Variants in RTL9 observed in about 807,000 individuals in gnomAD.
RTL9 encodes the protein retrotransposon Gag like 9.
RTL9 carries 19 observed loss-of-function variants against 44.7 expected under a neutral mutation model. The ratio of observed to expected loss-of-function variants is 0.42; its 90% CI spans 0.30 to 0.62. The LOEUF (loss-of-function observed/expected upper bound fraction) is 0.62, where lower values mean the gene tolerates loss of function less well. Ranked by LOEUF, RTL9 falls within the 20% of genes least tolerant of loss-of-function variation. The pLI is 0.16. For missense variants in RTL9, 1,105 were observed against 1,080.6 expected (o/e 1.02, Z -0.32); for synonymous variants, 407 against 398.9 (o/e 1.02, Z -0.24).
At chrX:110,360,214 C>T (rs1326438751) in intron 1 of RTL9, among the ~76,000 whole-genome samples, 1 of 111,007 alleles carries the variant, frequency 9.0e-6, no homozygotes, top group African/African-American at 3.3e-5. Flanking sequence ...GTCTAAAGAC[C>T]ACTGACAAGC....
chrX:110,393,631 C>T lies in RTL9; in HGVS notation c.-168+34715C>T, dbSNP rs185612304. Among the ~76,000 whole-genome samples, 192 of 112,218 alleles carry T rather than the reference C, an allele frequency of 1.7e-3. 1 individual carries two copies. The highest frequency in any genetic ancestry group is 0.016 in the Admixed American group (173 of 10,602). The stretch of plus-strand genomic sequence containing the variant: ...GGTTCATCCCTCTTCTCTCTTCATC[C>T]TCCTCTTGGCCTACCCTGGCCTGAG... On this transcript the variant is annotated intron_variant, in intron 1 of 2. Coordinates refer to the RTL9 transcript ENST00000520821.
At chrX:110,419,374 C>T (rs1304946901) in intron 1 of RTL9, among the ~76,000 whole-genome samples, 3 of 112,628 alleles carry the variant, frequency 2.7e-5, no homozygotes, top group African/African-American at 9.7e-5. Flanking sequence ...CTCAGCTTAA[C>T]GTTACCTCCT....
upstream of RTL9, among the ~76,000 whole-genome samples, chrX:110,417,493 G>A (rs957098199): frequency 1.8e-5 from 2 of 111,282 alleles, no homozygotes; most frequent in African/African-American, 6.5e-5. Context: ...TTTTTTTTAT[G>A]CGATAAGCCC....
At chrX:110,390,085 T>G (rs1452132169) in intron 1 of RTL9, among the ~76,000 whole-genome samples, 1 of 111,843 alleles carries the variant, frequency 8.9e-6, no homozygotes, top group Non-Finnish European at 1.9e-5. Flanking sequence ...CATTGCAAGT[T>G]GTATGTGGGA....
chrX:110,380,066 C>T (rs1471261833), intron 1 of RTL9, among the ~76,000 whole-genome samples: 1 of 111,599 alleles, frequency 9.0e-6, no homozygotes, highest in Non-Finnish European at 1.9e-5. Context: ...TCCTTATCCC[C>T]ATCAGATTTC....
intron 1 of RTL9, among the ~76,000 whole-genome samples, chrX:110,396,181 G>C (rs2068527177): frequency 1.8e-5 from 2 of 110,403 alleles, no homozygotes; most frequent in Admixed American, 9.6e-5. Context: ...CGAATGAATG[G>C]GGCTGAACCC....
At chrX:110,401,475 C>T (rs1339441901) in intron 1 of RTL9, among the ~76,000 whole-genome samples, 1 of 111,734 alleles carries the variant, frequency 8.9e-6, no homozygotes, top group Non-Finnish European at 1.9e-5. Context: ...CTTAACCTAA[C>T]CTTTTCCAGA....
rs750543035 is a variant in RTL9 at position 110,420,769 on chromosome X, G to A, written c.-168+1634G>A. On this transcript the variant is annotated intron_variant, in intron 1 of 3. Coordinates refer to the RTL9 transcript ENST00000465301. ...CACATTTTCCCAACTGGCCTCCGTC[G>A]TGAGAACAAGTGGGAACTTTCATAC... is the stretch of plus-strand genomic sequence containing the variant. Among the ~76,000 whole-genome samples, 73 of 111,632 alleles carry A rather than the reference G, an allele frequency of 6.5e-4. 2 individuals are homozygous for A. The highest frequency in any genetic ancestry group is 3.8e-4 in the South Asian group (1 of 2,625).
chrX:110,389,453 G>T (rs368085786), intron 1 of RTL9, among the ~76,000 whole-genome samples: 2 of 112,165 alleles, frequency 1.8e-5, no homozygotes, highest in African/African-American at 6.5e-5. Context: ...TCTGCCACAA[G>T]TTGGCTTGCT....
At chrX:110,434,723 GA>G (rs1295730335) in intron 1 of RTL9, among the ~76,000 whole-genome samples, 4 of 111,396 alleles carry the variant, frequency 3.6e-5, no homozygotes, top group Non-Finnish European at 7.5e-5. Flanking sequence ...TGTCCAGCAA[GA>G]AACTGGGAAT....
At chrX:110,434,655 G>A (rs2068823037) in intron 1 of RTL9, among the ~76,000 whole-genome samples, 1 of 111,538 alleles carries the variant, frequency 9.0e-6, no homozygotes, top group Non-Finnish European at 1.9e-5. Flanking sequence ...AGAGTGAGGG[G>A]AGACAGATGA....
intron 1 of RTL9, among the ~76,000 whole-genome samples, chrX:110,404,527 T>C (rs1405881198): frequency 8.9e-6 from 1 of 112,176 alleles, no homozygotes; most frequent in Non-Finnish European, 1.9e-5. Context: ...AATAGCACTG[T>C]CTGATCATAA....
intron 1 of RTL9, among the ~76,000 whole-genome samples, chrX:110,393,097 C>T (rs576757540): frequency 4.0e-4 from 45 of 111,302 alleles, no homozygotes; most frequent in African/African-American, 1.3e-3. Context: ...TGCTTCCCAC[C>T]GGAGACTGCA....
chrX:110,394,056 G>T (rs1033601972), intron 1 of RTL9, among the ~76,000 whole-genome samples: 1 of 112,271 alleles, frequency 8.9e-6, no homozygotes, highest in Non-Finnish European at 1.9e-5. Context: ...CTTTGCAAAT[G>T]TTTATTCCTT....
intron 1 of RTL9, 141 bp downstream of exon 3, chrX:110,454,805 G>A (rs2068971057): frequency 5.8e-6 from 3 of 520,511 alleles, no homozygotes; most frequent in Non-Finnish European, 9.3e-6. Flanking sequence ...AACCCCAGCA[G>A]TTTCATCAAG....
upstream of RTL9, among the ~76,000 whole-genome samples, chrX:110,416,875 C>T (rs1306384247): frequency 1.8e-5 from 2 of 111,580 alleles, no homozygotes; most frequent in Non-Finnish European, 3.8e-5. Flanking sequence ...CTTATGATTT[C>T]AGAGCTGAAC....
intron 1 of RTL9, among the ~76,000 whole-genome samples, chrX:110,442,247 CTGTGTGTGTG>C (rs908737506): frequency 3.1e-4 from 30 of 97,039 alleles, no homozygotes; most frequent in South Asian, 9.9e-4. Flanking sequence ...CTCTCTCTCT[CTGTGTGTGTG>C]TGTGTGTGTG....
At chrX:110,387,283 T>C (rs2068462342) in intron 1 of RTL9, among the ~76,000 whole-genome samples, 1 of 112,451 alleles carries the variant, frequency 8.9e-6, no homozygotes, top group Admixed American at 9.3e-5. Context: ...AGGTTACCAA[T>C]TAACAAAGTT....
upstream of RTL9, among the ~76,000 whole-genome samples, chrX:110,446,110 T>C (rs1229875159): frequency 9.0e-6 from 1 of 111,209 alleles, no homozygotes; most frequent in African/African-American, 3.3e-5. Context: ...AATTGAATGA[T>C]ATGAACTCTG....
Sources: allele counts gnomAD v4.1 joint callset (sites outside exome capture counted in the v4.1 genomes callset), GRCh38; gene constraint gnomAD v4.1.1; transcripts MANE v1.5; gene names NCBI Gene and HGNC (gene_info 2026-07-23, HGNC 2026-07-21).